Variants in STIM1 observed in about 807,000 individuals in gnomAD.
The protein encoded by STIM1 is stromal interaction molecule 1.
STIM1 carries 25 observed loss-of-function variants against 74.7 expected under a neutral mutation model. The ratio of observed to expected loss-of-function variants is 0.33; its 90% CI spans 0.24 to 0.47. The LOEUF is 0.47. STIM1 is among the 20% of genes least tolerant of loss of function. The pLI is 1.00. For missense variants in STIM1, 728 were observed against 920.8 expected (o/e 0.79, Z 2.71); for synonymous variants, 328 against 348.8 (o/e 0.94, Z 0.66).
chr11:4,083,057 C>A, intron 9 of STIM1, 75 bp downstream of exon 9: 1 of 1,342,264 alleles, frequency 7.5e-7, no homozygotes, highest in Non-Finnish European at 1.1e-6. Context: ...GGGCCTCCAA[C>A]ACCAATTCCA....
intron 3 of STIM1, 104 bp from the exon 4 acceptor site, chr11:4,055,422 G>C (rs1178093980): frequency 1.2e-6 from 1 of 837,932 alleles, no homozygotes; most frequent in African/African-American, 1.7e-5. Context: ...GGGACAGATA[G>C]ATATTAAACA....
At chr11:3,956,133 A>C (rs1565127221) in intron 1 of STIM1, among the ~76,000 whole-genome samples, 1 of 152,180 alleles carries the variant, frequency 6.6e-6, no homozygotes, top group Non-Finnish European at 1.5e-5. Context: ...TATCTTAAGA[A>C]TAAGGAGAAA....
Position 4,003,950 on chromosome 11 carries a change from A to G in STIM1, c.271-19923A>G, listed in dbSNP as rs534465088. 9.2e-5 allele frequency among the ~76,000 whole-genome samples: 14 copies of G among 152,334 alleles called. No homozygotes were observed. The South Asian group carries it at 2.9e-3, about 32-fold the overall frequency. ...AAGCATTCTTATACACCAATAACAG[A>G]CAAACAGAGAGCCAAATCATGAGTG... On this transcript the variant is annotated intron_variant, in intron 2 of 12. Coordinates refer to ENST00000526596, the MANE Select transcript of STIM1 (RefSeq NM_001382567.1).
At chr11:4,034,102 G>A (rs936626958) in intron 3 of STIM1, among the ~76,000 whole-genome samples, 10 of 151,760 alleles carry the variant, frequency 6.6e-5, no homozygotes, top group Admixed American at 2.0e-4. Context: ...GGTGGCGGGC[G>A]CCTGTAATCC....
At chr11:4,084,907 C>T in intron 11 of STIM1, 142 bp downstream of exon 11, 1 of 586,446 alleles carries the variant, frequency 1.7e-6, no homozygotes, top group Non-Finnish European at 2.7e-6. Context: ...CTACTAACTA[C>T]AGGGAGGGGT....
chr11:4,049,351 C>A (rs2094219493), intron 3 of STIM1, among the ~76,000 whole-genome samples: 1 of 140,708 alleles, frequency 7.1e-6, no homozygotes, highest in Non-Finnish European at 1.5e-5. Flanking sequence ...TTGAGACAGG[C>A]TCTCACTCTG....
At chr11:3,883,624 A>T (rs984964751) in intron 1 of STIM1, among the ~76,000 whole-genome samples, 1 of 152,190 alleles carries the variant, frequency 6.6e-6, no homozygotes, top group Non-Finnish European at 1.5e-5. Flanking sequence ...AAGTGTTGGG[A>T]TTACAGGCAT....
intron 5 of STIM1, among the ~76,000 whole-genome samples, chr11:4,069,248 G>T (rs1228434412): frequency 2.0e-5 from 3 of 152,066 alleles, no homozygotes; most frequent in Non-Finnish European, 4.4e-5. Flanking sequence ...TTTTTATCTT[G>T]TGGTGTCATT....
At chr11:3,896,054 A>G (rs902868342) in intron 1 of STIM1, among the ~76,000 whole-genome samples, 612 of 149,184 alleles carry the variant, frequency 4.1e-3, no homozygotes, top group African/African-American at 0.012. Context: ...ACAGGCGCCC[A>G]CCACCACACC....
chr11:3,932,387 G>C (rs756004910), intron 1 of STIM1, among the ~76,000 whole-genome samples: 1 of 152,196 alleles, frequency 6.6e-6, no homozygotes, highest in Non-Finnish European at 1.5e-5. Context: ...AGAGGGCTGG[G>C]TGTGGTGGCT....
chr11:4,003,523 T>C (rs1229156128), intron 2 of STIM1, among the ~76,000 whole-genome samples: 1 of 149,950 alleles, frequency 6.7e-6, no homozygotes, highest in African/African-American at 2.5e-5. Context: ...AAAAGGCCTT[T>C]GACAAAATTC....
intron 2 of STIM1, among the ~76,000 whole-genome samples, chr11:4,011,164 T>C (rs1217179227): frequency 6.6e-6 from 1 of 152,232 alleles, no homozygotes. Context: ...TTGTGAATAG[T>C]GCCGCAATAA....
In STIM1 at chr11:3,878,739, G is replaced by A. The variant is rs1438778199; in HGVS notation, c.139+22330G>A. Among the ~76,000 whole-genome samples, 9 of 152,236 alleles carry A rather than the reference G, an allele frequency of 5.9e-5. No homozygotes were observed. In the East Asian group the frequency reaches 1.5e-3, roughly 26 times the overall value. On this transcript the variant is annotated intron_variant, in intron 1 of 12. Transcript: ENST00000526596. ...TCCCTATGACAGTGCTTACCATGTTGTTAGTGCCCAATAAATGCTTGCTGT... is the reference window on the plus strand; with the variant it reads ...TCCCTATGACAGTGCTTACCATGTTATTAGTGCCCAATAAATGCTTGCTGT...
At chr11:4,083,583 C>T in intron 10 of STIM1, 85 bp downstream of exon 10, 1 of 1,216,106 alleles carries the variant, frequency 8.2e-7, no homozygotes. Context: ...GCTTAAACAG[C>T]AGATGGGGCA....
intron 1 of STIM1, among the ~76,000 whole-genome samples, chr11:3,937,834 T>C (rs1248532028): frequency 3.3e-5 from 5 of 152,228 alleles, no homozygotes; most frequent in Non-Finnish European, 4.4e-5. Context: ...ACTTTTGTTA[T>C]AGAGCTTGGG....
intron 1 of STIM1, among the ~76,000 whole-genome samples, chr11:3,861,858 G>A (rs184114201): frequency 3.0e-4 from 45 of 152,272 alleles, no homozygotes; most frequent in Non-Finnish European, 3.8e-4. Context: ...ATCTTGTGGA[G>A]GGGAGTAGTT....
intron 1 of STIM1, among the ~76,000 whole-genome samples, chr11:3,891,610 T>G (rs2135379416): frequency 6.6e-6 from 1 of 152,286 alleles, no homozygotes; most frequent in East Asian, 1.9e-4. Flanking sequence ...TTATTTACTT[T>G]GATATCCTCC....
At chr11:3,939,854 G>GT (rs1475284926) in intron 1 of STIM1, among the ~76,000 whole-genome samples, 1 of 152,184 alleles carries the variant, frequency 6.6e-6, no homozygotes, top group Admixed American at 6.5e-5. Context: ...TGGGTTGGCT[G>GT]TTTTTGGTTG....
chr11:3,930,112 A>G (rs1293167844), intron 1 of STIM1, among the ~76,000 whole-genome samples: 5 of 152,190 alleles, frequency 3.3e-5, no homozygotes, highest in Admixed American at 3.3e-4. Flanking sequence ...GGAAATGCTT[A>G]GCATTTAGGA....
Sources: gnomAD v4.1 joint callset for allele counts (sites outside exome capture counted in the v4.1 genomes callset) on GRCh38, gnomAD v4.1.1 for gene constraint, MANE v1.5 for transcripts, NCBI Gene and HGNC (gene_info 2026-07-23, HGNC 2026-07-21) for gene names.